Variants in RFTN1 observed in about 807,000 individuals in gnomAD.
RFTN1 encodes raftlin, lipid raft linker 1.
Under a neutral mutation model 46.5 loss-of-function variants are expected in RFTN1, and 26 were observed. The ratio of observed to expected loss-of-function variants is 0.56; its 90% CI spans 0.41 to 0.78. RFTN1 has a LOEUF of 0.78. Ranked by LOEUF, RFTN1 falls within the 30% of genes least tolerant of loss-of-function variation. RFTN1 has a pLI of 0.00. For synonymous variants in RFTN1, 261 were observed against 284.2 expected, an observed-to-expected ratio of 0.92 and a Z score of 0.82; for missense variants, 693 against 718.7, an observed-to-expected ratio of 0.96 and a Z score of 0.41.
chr3:16,316,662 C>T lies in RFTN1; in HGVS notation c.*166G>A, dbSNP rs1205004474. On this transcript the variant is annotated 3_prime_UTR_variant, in exon 10 of 10. Transcript: ENST00000334133. The surrounding 1 kb of genome is among the most constrained non-coding windows in gnomAD (Gnocchi z 4.5). ...GTGGATGTGCAAAAACCAACACTGT[C>T]AGGAACCTGGCCCTGGGAGGGCTCA... is the stretch of plus-strand genomic sequence containing the variant. 15 of 753,984 alleles carry T rather than the reference C, an allele frequency of 2.0e-5. No homozygotes were observed. Among genetic ancestry groups the T allele is most frequent in the Non-Finnish European group, 3.1e-5 (14 of 444,462 alleles). The allele number at this position is 753,984 out of a possible 1,614,324, so 46.7% of individuals were successfully genotyped here.
At position 16,345,821 on chromosome 3, in the gene RFTN1, CGCGCGCGT is replaced by C. The variant is rs779101598; in HGVS notation, c.1146+12103_1146+12110del. 7.7e-3 allele frequency among the ~76,000 whole-genome samples: 664 copies of C among 86,108 alleles called. 7 individuals carry two copies. Among genetic ancestry groups the C allele is most frequent in the African/African-American group, 0.027 (647 of 24,276 alleles). The allele number at this position is 86,108 out of a possible 152,430, so 56.5% of individuals were successfully genotyped here. A position where few individuals can be genotyped will look rare whatever the true frequency, so the allele number is the denominator to read the frequency against. On this transcript the variant is annotated intron_variant, in intron 7 of 9. Transcript: ENST00000334133. The surrounding 1 kb of genome is among the most constrained non-coding windows in gnomAD (Gnocchi z 5.2). ...GTGTGTGTGTGTGTGTGTGTGTGCG[CGCGCGCGT>C]GCGCGCACGCGCACATGTGCATGTG...
intron 2 of RFTN1, among the ~76,000 whole-genome samples, chr3:16,488,478 C>T (rs1304371412): frequency 2.0e-5 from 3 of 152,148 alleles, no homozygotes; most frequent in Non-Finnish European, 4.4e-5. Flanking sequence ...ACCTCCCTGA[C>T]TTGTATTTGC....
Position 16,448,366 on chromosome 3 carries a change from AC to A in RFTN1, c.146-14330del, listed in dbSNP as rs2075770235. Among the ~76,000 whole-genome samples the A allele has an allele frequency of 6.6e-6, 1 of 152,194 alleles. No individual in the cohort carries two copies. Among genetic ancestry groups the A allele is most frequent in the Non-Finnish European group, 1.5e-5 (1 of 68,038 alleles). ...GCATTTTCTTACAGTCCAAAAAAAAACATGATCCCTTGTTGACTTTTATGGA... is the reference window on the plus strand; with the variant it reads ...GCATTTTCTTACAGTCCAAAAAAAAAATGATCCCTTGTTGACTTTTATGGA... On this transcript the variant is annotated intron_variant, in intron 2 of 9. Transcript: ENST00000334133. The surrounding 1 kb of genome is among the most constrained non-coding windows in gnomAD (Gnocchi z 4.1).
chr3:16,401,009 G>C (rs1243719186), intron 4 of RFTN1, among the ~76,000 whole-genome samples: 1 of 151,904 alleles, frequency 6.6e-6, no homozygotes, highest in Non-Finnish European at 1.5e-5. Context: ...ATACCTTTCA[G>C]CTGAAAAAAA....
chr3:16,487,381 G>A (rs945166321), intron 2 of RFTN1, among the ~76,000 whole-genome samples: 2 of 152,182 alleles, frequency 1.3e-5, no homozygotes, highest in Non-Finnish European at 2.9e-5. Flanking sequence ...ACCTGAAACC[G>A]AATTTTCCTC....
In RFTN1 at chr3:16,317,766, C is replaced by G. The variant is rs2125159002; in HGVS notation, c.1333-534G>C. On this transcript the variant is annotated intron_variant, in intron 9 of 9. Transcript: ENST00000334133. This position sits in a 1 kb window ranked among gnomAD's most constrained non-coding sequence, Gnocchi z 4.3. ...CAGGACTGGCGGGCCCGCTCCCCAG[C>G]TAGGCCGATAGCCCTTTGCTGACCA... Among the ~76,000 whole-genome samples, 1 of 139,364 alleles carries G rather than the reference C, an allele frequency of 7.2e-6. No homozygotes were observed. Among genetic ancestry groups the G allele is most frequent in the East Asian group, 2.0e-4 (1 of 5,048 alleles). 91.4% of individuals were successfully genotyped at this position (139,364 alleles called of 152,430 possible). A position where few individuals can be genotyped will look rare whatever the true frequency, so the allele number is the denominator to read the frequency against.
chr3:16,460,208 G>A lies in RFTN1; in HGVS notation c.146-26171C>T, dbSNP rs1369164061. On this transcript the variant is annotated intron_variant, in intron 2 of 9. Coordinates refer to ENST00000334133, the MANE Select transcript of RFTN1 (RefSeq NM_015150.2). This position sits in a 1 kb window ranked among gnomAD's most constrained non-coding sequence, Gnocchi z 4.8. ...GTGTCTCAATTTCTCTTTTTCCACC[G>A]TGATTTTTATCTATTGTGTTATTTT... Among the ~76,000 whole-genome samples the A allele has an allele frequency of 4.6e-5, 7 of 152,106 alleles. No homozygotes were observed. The highest frequency in any genetic ancestry group is 1.3e-4 in the Admixed American group (2 of 15,268).
Position 16,335,257 on chromosome 3 carries a change from T to A in RFTN1, c.1147-8381A>T, listed in dbSNP as rs1001836016. ...CAGATGCAGGGTAGGTGAAAACTCC[T>A]GGAGGGATGAGGCTGGCTGAGGGCT... On this transcript the variant is annotated intron_variant, in intron 7 of 9. Coordinates refer to ENST00000334133, the MANE Select transcript of RFTN1 (RefSeq NM_015150.2). This position sits in a 1 kb window ranked among gnomAD's most constrained non-coding sequence, Gnocchi z 4.7. 7.2e-5 allele frequency among the ~76,000 whole-genome samples: 11 copies of A among 152,230 alleles called. 1 individual carries two copies. The highest frequency in any genetic ancestry group is 1.9e-4 in the East Asian group (1 of 5,176).
chr3:16,439,756 G>T (rs1380183079), intron 2 of RFTN1, among the ~76,000 whole-genome samples: 1 of 152,178 alleles, frequency 6.6e-6, no homozygotes, highest in Non-Finnish European at 1.5e-5. Context: ...CTGCCCGAGG[G>T]TTCCAGCCTT....
chr3:16,317,202 G>A lies in RFTN1; in HGVS notation c.1363C>T (p.His455Tyr). The A allele has an allele frequency of 1.2e-6, 2 of 1,613,064 alleles. No individual in the cohort carries two copies. The change falls in exon 10 of 10, where the codon CAC becomes TAC. Residue 455 changes from histidine to tyrosine, a missense_variant. By Grantham distance (83) the His-to-Tyr change is moderately conservative. Coordinates refer to ENST00000334133, the MANE Select transcript of RFTN1 (RefSeq NM_015150.2). The surrounding 1 kb of genome is among the most constrained non-coding windows in gnomAD (Gnocchi z 4.3). ...TTTGATTTCCTCATCTGCCTGTTGT[G>A]CATTTCTTCTCTGGAGAATCGCCAC... ...FQWRFSREEM[H>Y]NRQMRKSKGK...
rs562113774 is a variant in RFTN1, at chr3:16,361,103, A to G, written c.1031-3056T>C. On this transcript the variant is annotated intron_variant, in intron 6 of 9. Transcript: ENST00000334133. This position sits in a 1 kb window ranked among gnomAD's most constrained non-coding sequence, Gnocchi z 4.3. ...AAAGAATTTCCTTTTTCTCTCCTCT[A>G]CAAGGCTCTTGAAGGCCTAACTAGA... 1.3e-5 allele frequency among the ~76,000 whole-genome samples: 2 copies of G among 152,356 alleles called. No individual in the cohort carries two copies. The highest frequency in any genetic ancestry group is 3.9e-4 in the East Asian group (2 of 5,188).
intron 2 of RFTN1, among the ~76,000 whole-genome samples, chr3:16,436,669 C>T (rs1437089135): frequency 6.6e-6 from 1 of 152,148 alleles, no homozygotes; most frequent in East Asian, 1.9e-4. Flanking sequence ...GAACACCCCC[C>T]CACCACAGGG....
rs1485917742 is a variant in RFTN1, at chr3:16,466,066, G to A, written c.145+27659C>T. Among the ~76,000 whole-genome samples the A allele has an allele frequency of 1.3e-5, 2 of 152,174 alleles. No individual in the cohort carries two copies. On this transcript the variant is annotated intron_variant, in intron 2 of 9. Coordinates refer to ENST00000334133, the MANE Select transcript of RFTN1 (RefSeq NM_015150.2). The surrounding 1 kb of genome is among the most constrained non-coding windows in gnomAD (Gnocchi z 5.6). Reference sequence around the variant, plus strand: ...GCCCATCACTCCACATCACTCTCATGCTCTGAATTCTTCTGTGGCTCCCCA... The same window carrying A: ...GCCCATCACTCCACATCACTCTCATACTCTGAATTCTTCTGTGGCTCCCCA...
rs1015948550 is a variant in RFTN1 at position 16,500,756 on chromosome 3, G to A, written c.-8-6879C>T. ...AGGAGCTATCAGTTCCATGAGGGAG[G>A]GAAATTATGTTCCAAATTCATTCAT... On this transcript the variant is annotated intron_variant, in intron 1 of 9. Coordinates refer to ENST00000334133, the MANE Select transcript of RFTN1 (RefSeq NM_015150.2). The surrounding 1 kb of genome is among the most constrained non-coding windows in gnomAD (Gnocchi z 5.9). 3.9e-5 allele frequency among the ~76,000 whole-genome samples: 6 copies of A among 152,232 alleles called. No individual in the cohort carries two copies. The highest frequency in any genetic ancestry group is 3.9e-4 in the East Asian group (2 of 5,174).
chr3:16,377,943 C>G lies in RFTN1; in HGVS notation c.601G>C (p.Glu201Gln). ...KNARGDHASLENEKPGTGDVC... is the reference protein window; with the variant it reads ...KNARGDHASLQNEKPGTGDVC... Reference sequence around the variant, plus strand: ...TCCCCAGTCCCCGGTTTCTCATTCTCCAGTGACGCGTGATCCCCACGTGCG... The same window carrying G: ...TCCCCAGTCCCCGGTTTCTCATTCTGCAGTGACGCGTGATCCCCACGTGCG... The change falls in exon 5 of 10, where the codon GAG (glutamate) becomes CAG (glutamine). Residue 201 changes from glutamate to glutamine, a missense_variant. Glu to Gln is a conservative substitution (Grantham distance 29). Transcript: ENST00000334133. 3 of 1,614,214 alleles carry G rather than the reference C, an allele frequency of 1.9e-6. No individual in the cohort carries two copies. Among genetic ancestry groups the G allele is most frequent in the Non-Finnish European group, 1.7e-6 (2 of 1,180,048 alleles).
At chr3:16,379,242 A>T (rs549015564) in intron 4 of RFTN1, among the ~76,000 whole-genome samples, 1 of 152,380 alleles carries the variant, frequency 6.6e-6, no homozygotes, top group East Asian at 1.9e-4. Context: ...TCCTCGGAAG[A>T]ACCACCCTGA....
In RFTN1 at chr3:16,374,372, C is replaced by T. The variant is rs2073659234; in HGVS notation, c.826+3346G>A. Among the ~76,000 whole-genome samples the T allele has an allele frequency of 6.6e-6, 1 of 152,146 alleles. No individual in the cohort carries two copies. The highest frequency in any genetic ancestry group is 2.4e-5 in the African/African-American group (1 of 41,414). On this transcript the variant is annotated intron_variant, in intron 5 of 9. Transcript: ENST00000334133. This position sits in a 1 kb window ranked among gnomAD's most constrained non-coding sequence, Gnocchi z 5.4. ...TTTGTTAATGGACTGAGTAAAAGGC[C>T]AGAAAGATGGCGGCAGGTGGCAGAT... is the stretch of plus-strand genomic sequence containing the variant.
chr3:16,355,249 TATAG>T (rs1299412870), intron 7 of RFTN1, among the ~76,000 whole-genome samples: 1 of 152,242 alleles, frequency 6.6e-6, no homozygotes, highest in African/African-American at 2.4e-5. Context: ...AAGTATTTGT[TATAG>T]CAACAACCCC....
Position 16,321,907 on chromosome 3 carries a change from G to A in RFTN1, c.1332+1469C>T, listed in dbSNP as rs2069103509. Among the ~76,000 whole-genome samples the A allele has an allele frequency of 6.6e-6, 1 of 152,172 alleles. No homozygotes were observed. The highest frequency in any genetic ancestry group is 1.5e-5 in the Non-Finnish European group (1 of 68,028). The stretch of plus-strand genomic sequence containing the variant: ...ACTGACTTGTCCCCCTGCATGCGAT[G>A]CCATGACCTTCACACCAACATCCAA... On this transcript the variant is annotated intron_variant, in intron 9 of 9. Transcript: ENST00000334133. The surrounding 1 kb of genome is among the most constrained non-coding windows in gnomAD (Gnocchi z 4.8).
Sources: gnomAD v4.1 joint callset for allele counts (sites outside exome capture counted in the v4.1 genomes callset) on GRCh38, gnomAD v4.1.1 for gene constraint, Gnocchi (gnomAD v3.1) non-coding constraint, MANE v1.5 for transcripts, NCBI Gene and HGNC (gene_info 2026-07-23, HGNC 2026-07-21) for gene names.